Variants in PKN2 observed in about 807,000 individuals in gnomAD.
The protein encoded by PKN2 is protein kinase N2, also known as serine/threonine-protein kinase N2.
A neutral mutation model predicts 119.1 loss-of-function variants in PKN2; 38 were observed. The ratio of observed to expected loss-of-function variants is 0.32; its 90% CI spans 0.25 to 0.42. PKN2 has a LOEUF of 0.42. Among genes scored for constraint, PKN2 ranks in the 10% least tolerant of loss-of-function variants. PKN2 has a pLI of 1.00. For synonymous variants in PKN2, 390 were observed against 384.9 expected, an observed-to-expected ratio of 1.01 and a Z score of -0.15; for missense variants, 850 against 1,165.1, an observed-to-expected ratio of 0.73 and a Z score of 3.94.
At chr1:88,786,038 CA>C in intron 7 of PKN2, 65 bp from the exon 8 acceptor site, 1 of 883,022 alleles carries the variant, frequency 1.1e-6, no homozygotes, top group Non-Finnish European at 1.9e-6. Context: ...GCTAATCAAA[CA>C]GCAGTACTTC....
chr1:88,809,558 A>T (rs529999020), intron 15 of PKN2, among the ~76,000 whole-genome samples: 2 of 152,326 alleles, frequency 1.3e-5, no homozygotes, highest in Admixed American at 1.3e-4. Context: ...AATGAAATCT[A>T]TAGAAAGTTT....
At position 88,804,890 on chromosome 1, in the gene PKN2, A is replaced by G. The variant is rs749468886; in HGVS notation, c.1470A>G (p.Gln490=). 2.1e-5 allele frequency: 33 copies of G among 1,570,296 alleles called. No homozygotes were observed. In the African/African-American group the frequency reaches 4.4e-4, roughly 21 times the overall value. ...NPVIERRPKL[Q]RQKKIFSKQQ... is the part of the protein sequence containing the mutation. ...TTATTGAAAGAAGACCAAAACTTCA[A>G]AGACAAAAGAAAATTTTTTCAAAGC... The change falls in exon 10 of 22, where the codon CAA becomes CAG. Residue 490 remains glutamine (Q), a synonymous_variant. Coordinates refer to ENST00000370521, the MANE Select transcript of PKN2 (RefSeq NM_006256.4).
intron 1 of PKN2, among the ~76,000 whole-genome samples, chr1:88,691,529 C>T (rs1001107092): frequency 5.9e-5 from 9 of 152,190 alleles, no homozygotes; most frequent in African/African-American, 1.7e-4. Flanking sequence ...ATCAGGCACA[C>T]TGCATTGGAT....
At position 88,760,234 on chromosome 1, in the gene PKN2, C is replaced by T. The variant is rs201995133; in HGVS notation, c.362C>T (p.Thr121Ile). The stretch of plus-strand genomic sequence containing the variant: ...ATTTTATTTACAGATTGCCCAAGGA[C>T]TCCAGATACTCCAAATAATGACCCT... ...DPEDITDCPR[T>I]PDTPNNDPRC... Residue 121 changes from threonine to isoleucine, a missense_variant, in exon 3 of 22, where the codon ACT becomes ATT. This residue lies in a region of PKN2 where 350 missense variants were observed against 511.1 expected (regional missense o/e 0.68). Coordinates refer to ENST00000370521, the MANE Select transcript of PKN2 (RefSeq NM_006256.4). 1 of 1,553,816 alleles carries T rather than the reference C, an allele frequency of 6.4e-7. No homozygotes were observed. The highest frequency in any genetic ancestry group is 1.7e-4 in the Middle Eastern group (1 of 5,906).
intron 3 of PKN2, among the ~76,000 whole-genome samples, chr1:88,763,973 A>G (rs750103285): frequency 1.3e-5 from 2 of 152,194 alleles, no homozygotes; most frequent in Non-Finnish European, 2.9e-5. Context: ...TGGATTCTAC[A>G]TGATTAAATT....
At chr1:88,724,307 A>G (rs971568858) in intron 1 of PKN2, among the ~76,000 whole-genome samples, 7 of 152,156 alleles carry the variant, frequency 4.6e-5, no homozygotes, top group African/African-American at 1.4e-4. Context: ...GTTCCACAGT[A>G]TGATTTGTCT....
At chr1:88,734,388 G>A (rs755324320) in intron 1 of PKN2, among the ~76,000 whole-genome samples, 4 of 152,064 alleles carry the variant, frequency 2.6e-5, no homozygotes, top group Non-Finnish European at 5.9e-5. Flanking sequence ...TTTTGTCTGT[G>A]GTGAGAGATA....
rs201995133 is a variant in PKN2 at position 88,760,234 on chromosome 1, C to G, written c.362C>G (p.Thr121Ser). 5 of 1,553,816 alleles carry G rather than the reference C, an allele frequency of 3.2e-6. No homozygotes were observed. Among genetic ancestry groups the G allele is most frequent in the Non-Finnish European group, 4.4e-6 (5 of 1,133,592 alleles). Residue 121 changes from threonine (T) to serine (S), a missense_variant, in exon 3 of 22, where the codon ACT becomes AGT. Transcript: ENST00000370521. The part of the protein sequence containing the change: ...DPEDITDCPR[T>S]PDTPNNDPRC... ...ATTTTATTTACAGATTGCCCAAGGA[C>G]TCCAGATACTCCAAATAATGACCCT...
chr1:88,752,698 CT>C (rs1271542588), intron 2 of PKN2, among the ~76,000 whole-genome samples: 1 of 152,030 alleles, frequency 6.6e-6, no homozygotes. Flanking sequence ...CTTAAAGTAT[CT>C]TTTGTCTGTT....
Position 88,805,601 on chromosome 1 carries a change from C to G in PKN2, c.1606C>G (p.Pro536Ala), listed in dbSNP as rs1443021169. Residue 536 changes from proline to alanine, a missense_variant, in exon 11 of 22, where the codon CCT (proline) becomes GCT (alanine). Physicochemically the swap from Pro to Ala is conservative, Grantham distance 27. Around this residue, in one of 9 missense-constraint regions of PKN2, gnomAD observed 216 missense variants for 252.8 expected, o/e 0.85. Coordinates refer to ENST00000370521, the MANE Select transcript of PKN2 (RefSeq NM_006256.4). ...AGTAAATCATTCTGGCACCTTCAGC[C>G]CTCAAGCTCCTGTGCCTACTACAGT... ...PTVNHSGTFS[P>A]QAPVPTTVPV... 8 of 1,613,888 alleles carry G rather than the reference C, an allele frequency of 5.0e-6. No homozygotes were observed. The highest frequency in any genetic ancestry group is 6.8e-6 in the Non-Finnish European group (8 of 1,179,994).
intron 2 of PKN2, among the ~76,000 whole-genome samples, chr1:88,751,734 T>C (rs779885954): frequency 2.6e-5 from 4 of 152,190 alleles, no homozygotes; most frequent in African/African-American, 4.8e-5. Flanking sequence ...TTGTTCACTA[T>C]TTCTTCATGC....
chr1:88,767,736 TAAAAG>T (rs962672282), intron 3 of PKN2, among the ~76,000 whole-genome samples: 2 of 152,162 alleles, frequency 1.3e-5, no homozygotes, highest in African/African-American at 4.8e-5. Context: ...ACAAAAGAAA[TAAAAG>T]AAAAATTTAT....
At chr1:88,786,076 T>A in intron 7 of PKN2, 28 bp from the exon 8 acceptor site, 1 of 1,368,078 alleles carries the variant, frequency 7.3e-7, no homozygotes, top group Non-Finnish European at 1.0e-6. Context: ...TTAAAGTTTT[T>A]AAGCAAGTTT....
intron 2 of PKN2, among the ~76,000 whole-genome samples, chr1:88,753,131 C>G (rs1456453291): frequency 3.3e-5 from 5 of 152,102 alleles, no homozygotes; most frequent in African/African-American, 1.2e-4. Context: ...TTTTATTTGC[C>G]TACACCCTAG....
intron 6 of PKN2, among the ~76,000 whole-genome samples, chr1:88,779,170 C>T (rs1364945948): frequency 2.0e-5 from 3 of 151,814 alleles, no homozygotes; most frequent in Non-Finnish European, 4.4e-5. Flanking sequence ...ATCTTCAATA[C>T]TGCCCCCAAG....
rs1570467794 is a variant in PKN2, at chr1:88,684,275, G to A, written c.-306G>A. 5.8e-6 allele frequency: 2 copies of A among 342,934 alleles called. No homozygotes were observed. Among genetic ancestry groups the A allele is most frequent in the Non-Finnish European group, 1.1e-5 (2 of 188,336 alleles). 21.2% of individuals were successfully genotyped at this position (342,934 alleles called of 1,614,324 possible). A position where few individuals can be genotyped will look rare whatever the true frequency, so the allele number is the denominator to read the frequency against. On this transcript the variant is annotated 5_prime_UTR_variant, in exon 1 of 22. Coordinates refer to ENST00000370521, the MANE Select transcript of PKN2 (RefSeq NM_006256.4). ...GTGCGACAGGAGGAGCTGCAGCCGC[G>A]GCCGCAGCGCCCGCACGGAGAGGCT... is the stretch of plus-strand genomic sequence containing the variant.
intron 6 of PKN2, among the ~76,000 whole-genome samples, chr1:88,776,331 T>G (rs533752431): frequency 7.2e-4 from 108 of 150,836 alleles, no homozygotes; most frequent in African/African-American, 2.6e-3. Flanking sequence ...GGTCTCCTAG[T>G]GTCTACCTCC....
At chr1:88,692,290 T>C (rs1050759626) in intron 1 of PKN2, among the ~76,000 whole-genome samples, 12 of 152,192 alleles carry the variant, frequency 7.9e-5, no homozygotes, top group African/African-American at 2.9e-4. Context: ...TTTCCATTTT[T>C]TGTTTTGTTT....
In PKN2 at chr1:88,828,305, C is replaced by T. The variant is rs551657846; in HGVS notation, c.2420-176C>T. 8.2e-4 allele frequency among the ~76,000 whole-genome samples: 125 copies of T among 152,216 alleles called. 2 individuals carry two copies. Among genetic ancestry groups the T allele is most frequent in the African/African-American group, 3.0e-3 (123 of 41,548 alleles). On this transcript the variant is annotated intron_variant, in intron 18 of 21. Transcript: ENST00000370521. ...TAATTAGACAGTATAGTTGCTATTG[C>T]AGTTTTTGCTATACCAGTCCTTACT...
Sources: allele counts gnomAD v4.1 joint callset (sites outside exome capture counted in the v4.1 genomes callset), GRCh38; gene constraint gnomAD v4.1.1; regional missense constraint gnomAD v4.1.1; transcripts MANE v1.5; gene names NCBI Gene and HGNC (gene_info 2026-07-23, HGNC 2026-07-21).